Variants in PTPRN2 observed in about 807,000 individuals in gnomAD.
The protein encoded by PTPRN2 is receptor-type tyrosine-protein phosphatase N2.
PTPRN2 carries 74 observed loss-of-function variants against 118.8 expected under a neutral mutation model. That is an observed-to-expected ratio of 0.62 (90% CI 0.52 to 0.76). The LOEUF (loss-of-function observed/expected upper bound fraction) is 0.76. PTPRN2 is among the 30% of genes least tolerant of loss of function. The probability of loss-of-function intolerance (pLI) is 0.00; values close to 1 mark genes in which losing one functional copy is unlikely to be tolerated. For missense variants in PTPRN2, 1,481 were observed against 1,394.4 expected, an observed-to-expected ratio of 1.06 and a Z score of -0.99; for synonymous variants, 641 against 608.0, an observed-to-expected ratio of 1.05 and a Z score of -0.80.
At chr7:157,582,942 C>T (rs1263691435) in intron 17 of PTPRN2, among the ~76,000 whole-genome samples, 1 of 151,424 alleles carries the variant, frequency 6.6e-6, no homozygotes, top group African/African-American at 2.4e-5. Context: ...TTACACAGAA[C>T]CACTGTGTGA....
chr7:158,124,565 T>C (rs1817457902), intron 9 of PTPRN2, among the ~76,000 whole-genome samples: 1 of 152,240 alleles, frequency 6.6e-6, no homozygotes, highest in African/African-American at 2.4e-5. Flanking sequence ...GCTCAGAGTC[T>C]TGAAGAAACA....
At chr7:157,814,281 G>A (rs982562374) in intron 12 of PTPRN2, among the ~76,000 whole-genome samples, 9 of 152,192 alleles carry the variant, frequency 5.9e-5, no homozygotes, top group East Asian at 3.9e-4. Flanking sequence ...ACGGATGTGC[G>A]CGTGAAGGAA....
At chr7:158,559,128 G>T (rs1231403855) in intron 1 of PTPRN2, among the ~76,000 whole-genome samples, 3 of 152,204 alleles carry the variant, frequency 2.0e-5, no homozygotes, top group Non-Finnish European at 4.4e-5. Context: ...AATTCTTCCA[G>T]TGCTTGGAGG....
chr7:157,844,590 T>C (rs1808666120), intron 12 of PTPRN2, among the ~76,000 whole-genome samples: 3 of 152,246 alleles, frequency 2.0e-5, no homozygotes, highest in African/African-American at 7.2e-5. Flanking sequence ...AGCAATGCTC[T>C]AGAAAGAGAA....
intron 9 of PTPRN2, among the ~76,000 whole-genome samples, chr7:158,126,943 C>T (rs1366269734): frequency 1.3e-5 from 2 of 152,204 alleles, no homozygotes; most frequent in Non-Finnish European, 2.9e-5. Context: ...ACTGAACCCC[C>T]ACAGAGGTGA....
At chr7:158,428,833 TAAAG>T (rs997499426) in intron 2 of PTPRN2, among the ~76,000 whole-genome samples, 2 of 152,180 alleles carry the variant, frequency 1.3e-5, no homozygotes, top group African/African-American at 4.8e-5. Context: ...TCTTTTCCAA[TAAAG>T]ACAGCTATTT....
chr7:158,398,220 C>T (rs1188157673), intron 2 of PTPRN2, among the ~76,000 whole-genome samples: 1 of 152,260 alleles, frequency 6.6e-6, no homozygotes, highest in Non-Finnish European at 1.5e-5. Flanking sequence ...GTATCAACTG[C>T]ATTTGAACAG....
rs1159276729 is a variant in PTPRN2, at chr7:157,813,455, C to T, written c.1788+85218G>A. ...TCCCCAAAACAGCATGTGCAGCTCT[C>T]GTTAAATGGAAAAGGCCCTAATGTC... On this transcript the variant is annotated intron_variant, in intron 12 of 22. Coordinates refer to ENST00000389418, the MANE Select transcript of PTPRN2 (RefSeq NM_002847.5). This position sits in a 1 kb window ranked among gnomAD's most constrained non-coding sequence, Gnocchi z 4.7. Among the ~76,000 whole-genome samples, 7 of 152,096 alleles carry T rather than the reference C, an allele frequency of 4.6e-5. No individual in the cohort carries two copies. The East Asian group carries it at 9.6e-4, about 21-fold the overall frequency.
chr7:158,136,974 G>A lies in PTPRN2; in HGVS notation c.1133-279C>T, dbSNP rs148625455. Among the ~76,000 whole-genome samples the A allele has an allele frequency of 5.8e-4, 83 of 143,752 alleles. 2 individuals are homozygous for A. Among genetic ancestry groups the A allele is most frequent in the Non-Finnish European group, 9.8e-4 (65 of 66,266 alleles). 94.3% of individuals were successfully genotyped at this position (143,752 alleles called of 152,430 possible). On this transcript the variant is annotated intron_variant, in intron 7 of 22. Transcript: ENST00000389418. ...CTGGGGGTCTCACGTGATCGACAAA[G>A]TTAACTCACGGCAAAAAAAAACCCC...
intron 2 of PTPRN2, among the ~76,000 whole-genome samples, chr7:158,416,338 C>T (rs912532989): frequency 1.3e-5 from 2 of 152,208 alleles, no homozygotes; most frequent in African/African-American, 2.4e-5. Flanking sequence ...TAGATATGCA[C>T]CCCCAGCCCC....
intron 11 of PTPRN2, among the ~76,000 whole-genome samples, chr7:158,075,115 G>C (rs1812242818): frequency 6.6e-6 from 1 of 152,204 alleles, no homozygotes. Context: ...GGTGGCCTCT[G>C]TCCTCGCAGC....
chr7:157,791,066 G>A (rs1267555068), intron 12 of PTPRN2, among the ~76,000 whole-genome samples: 6 of 152,196 alleles, frequency 3.9e-5, no homozygotes, highest in South Asian at 4.1e-4. Flanking sequence ...AAAAAATCCC[G>A]TTTCTTATAA....
rs376751123 is a variant in PTPRN2 at position 157,676,035 on chromosome 7, C to G, written c.2001+6690G>C. On this transcript the variant is annotated intron_variant, in intron 13 of 22. Transcript: ENST00000389418. The surrounding 1 kb of genome is among the most constrained non-coding windows in gnomAD (Gnocchi z 5.6). ...ATCCTCTTGGGGTCACTCAGCCACA[C>G]CGAGCCATGGACCGTCCCTTGGAGC... Among the ~76,000 whole-genome samples, 2 of 152,138 alleles carry G rather than the reference C, an allele frequency of 1.3e-5. No individual in the cohort carries two copies. Among genetic ancestry groups the G allele is most frequent in the Non-Finnish European group, 2.9e-5 (2 of 68,016 alleles).
intron 3 of PTPRN2, among the ~76,000 whole-genome samples, chr7:158,225,878 A>G (rs1271669525): frequency 6.8e-6 from 1 of 146,064 alleles, no homozygotes; most frequent in Non-Finnish European, 1.5e-5. Flanking sequence ...ATGGTGTATG[A>G]CATGGGGAGG....
intron 8 of PTPRN2, among the ~76,000 whole-genome samples, chr7:158,134,410 T>C (rs1368581783): frequency 1.3e-5 from 2 of 152,034 alleles, no homozygotes; most frequent in East Asian, 3.9e-4. Flanking sequence ...GATATCAAGA[T>C]CCCACCCCAG....
chr7:158,023,345 C>T (rs1430976832), intron 11 of PTPRN2, among the ~76,000 whole-genome samples: 1 of 152,132 alleles, frequency 6.6e-6, no homozygotes, highest in Non-Finnish European at 1.5e-5. Flanking sequence ...CCAGGTGAGG[C>T]TCTGCTCCCA....
chr7:158,476,499 G>A (rs974951354), intron 2 of PTPRN2, among the ~76,000 whole-genome samples: 3 of 152,228 alleles, frequency 2.0e-5, no homozygotes, highest in Non-Finnish European at 2.9e-5. Context: ...AGCCAAGGAC[G>A]CACGAAGGAT....
rs1802359063 is a variant in PTPRN2 at position 157,611,800 on chromosome 7, A to G, written c.2345-7725T>C. 6.7e-6 allele frequency among the ~76,000 whole-genome samples: 1 copy of G among 148,656 alleles called. No individual in the cohort carries two copies. On this transcript the variant is annotated intron_variant, in intron 15 of 22. Transcript: ENST00000389418. The surrounding 1 kb of genome is among the most constrained non-coding windows in gnomAD (Gnocchi z 5.9). ...AGTCATGCTGGGGACACGCGGAGGG[A>G]GAGCGCCCGTGTGAAGACGAAGACA...
rs79624844 is a variant in PTPRN2, at chr7:158,105,699, C to T, written c.1643+5130G>A. Among the ~76,000 whole-genome samples, 774 of 151,650 alleles carry T rather than the reference C, an allele frequency of 5.1e-3. 26 individuals are homozygous for T. In the East Asian group the frequency reaches 0.099, roughly 19 times the overall value. On this transcript the variant is annotated intron_variant, in intron 10 of 22. Transcript: ENST00000389418. ...TCCATCCACCTCCATCCCAGCTCCACCTCATCTCCATCCACAAATCCATCC... is the reference window on the plus strand; with the variant it reads ...TCCATCCACCTCCATCCCAGCTCCATCTCATCTCCATCCACAAATCCATCC...
Sources: allele counts gnomAD v4.1 joint callset (sites outside exome capture counted in the v4.1 genomes callset), GRCh38; gene constraint gnomAD v4.1.1; non-coding constraint Gnocchi (gnomAD v3.1); transcripts MANE v1.5; gene names NCBI Gene and HGNC (gene_info 2026-07-23, HGNC 2026-07-21).